NLGN4X: variants seen among roughly 807,000 people sequenced by gnomAD.
NLGN4X encodes neuroligin-4, X-linked.
A neutral mutation model predicts 40.3 loss-of-function variants in NLGN4X; 3 were observed. That is an observed-to-expected ratio of 0.07 (90% CI 0.03 to 0.19). The LOEUF is 0.19. Among genes scored for constraint, NLGN4X ranks in the 10% least tolerant of loss-of-function variants. The probability of loss-of-function intolerance (pLI) is 1.00; values close to 1 mark genes in which losing one functional copy is unlikely to be tolerated. For synonymous variants in NLGN4X, 270 were observed against 306.8 expected (o/e 0.88, Z 1.25); for missense variants, 382 against 708.3 (o/e 0.54, Z 5.23).
intron 2 of NLGN4X, among the ~76,000 whole-genome samples, chrX:6,104,672 G>C (rs768885811): frequency 9.0e-6 from 1 of 111,443 alleles, no homozygotes; most frequent in African/African-American, 3.3e-5. Context: ...TCAGACTGGA[G>C]TTACAGAAAG....
intron 3 of NLGN4X, among the ~76,000 whole-genome samples, chrX:5,976,927 T>C (rs2035195901): frequency 8.9e-6 from 1 of 112,719 alleles, no homozygotes. Flanking sequence ...TGGTATTAAC[T>C]AAATACAAAT....
Position 6,021,576 on chromosome X carries a change from T to G in NLGN4X, c.625+7704A>C, listed in dbSNP as rs1569190656. Among the ~76,000 whole-genome samples, 3 of 108,311 alleles carry G rather than the reference T, an allele frequency of 2.8e-5. No individual in the cohort carries two copies. In the East Asian group the frequency reaches 8.6e-4, roughly 31 times the overall value. 94.1% of individuals were successfully genotyped at this position (108,311 alleles called of 115,157 possible). ...ACGATCATTCTGAGAGCAAAAAACATGATCCTGGTTTTGTTTGCCCCACCA... is the reference window on the plus strand; with the variant it reads ...ACGATCATTCTGAGAGCAAAAAACAGGATCCTGGTTTTGTTTGCCCCACCA... On this transcript the variant is annotated intron_variant, in intron 3 of 5. Coordinates refer to ENST00000381095, the MANE Select transcript of NLGN4X (RefSeq NM_181332.3).
chrX:5,988,618 A>G (rs779052650), intron 3 of NLGN4X, among the ~76,000 whole-genome samples: 2 of 112,454 alleles, frequency 1.8e-5, no homozygotes, highest in African/African-American at 6.5e-5. Context: ...AACAGACTTT[A>G]AAAGGTGAGA....
At chrX:6,206,747 T>G (rs1409247605) in intron 1 of NLGN4X, among the ~76,000 whole-genome samples, 1 of 111,868 alleles carries the variant, frequency 8.9e-6, no homozygotes, top group African/African-American at 3.2e-5. Context: ...CACATGGTGG[T>G]TACGACACCA....
intron 1 of NLGN4X, among the ~76,000 whole-genome samples, chrX:6,166,212 G>C (rs1398306544): frequency 9.0e-6 from 1 of 111,662 alleles, no homozygotes; most frequent in Admixed American, 9.6e-5. Flanking sequence ...CAATAAAGAT[G>C]CACATGTATT....
At chrX:5,958,559 T>A (rs1010983895) in intron 3 of NLGN4X, among the ~76,000 whole-genome samples, 1 of 111,700 alleles carries the variant, frequency 9.0e-6, no homozygotes, top group Non-Finnish European at 1.9e-5. Context: ...ATGCTTGACA[T>A]ATTACTGAAA....
At chrX:6,120,307 T>C (rs112494751) in intron 2 of NLGN4X, among the ~76,000 whole-genome samples, 1 of 112,092 alleles carries the variant, frequency 8.9e-6, no homozygotes, top group Non-Finnish European at 1.9e-5. Flanking sequence ...ATCATCATCA[T>C]ACACCCAGCA....
intron 1 of NLGN4X, among the ~76,000 whole-genome samples, chrX:6,171,339 T>C (rs1427119651): frequency 8.9e-6 from 1 of 112,300 alleles, no homozygotes; most frequent in East Asian, 2.8e-4. Flanking sequence ...TATTTCTACA[T>C]GGTCAAATGG....
intron 2 of NLGN4X, among the ~76,000 whole-genome samples, chrX:6,033,801 G>A (rs994043438): frequency 8.9e-6 from 1 of 111,940 alleles, no homozygotes; most frequent in African/African-American, 3.2e-5. Context: ...TAAAAGGTGT[G>A]AACATTTAAT....
chrX:5,967,784 C>T (rs2034877264), intron 3 of NLGN4X, among the ~76,000 whole-genome samples: 2 of 111,243 alleles, frequency 1.8e-5, no homozygotes, highest in South Asian at 7.7e-4. Flanking sequence ...GAAGGACACA[C>T]AGGAAAGGTT....
At chrX:5,923,857 G>A (rs1364075633) in intron 3 of NLGN4X, among the ~76,000 whole-genome samples, 1 of 111,540 alleles carries the variant, frequency 9.0e-6, no homozygotes, top group Non-Finnish European at 1.9e-5. Flanking sequence ...TTGATTATGT[G>A]TGATGTCTGT....
intron 2 of NLGN4X, among the ~76,000 whole-genome samples, chrX:6,037,040 C>T (rs1009286144): frequency 3.6e-5 from 4 of 110,902 alleles, no homozygotes; most frequent in Non-Finnish European, 5.7e-5. Context: ...GATATGGGCG[C>T]GGTGGCTCAT....
intron 2 of NLGN4X, among the ~76,000 whole-genome samples, chrX:6,112,542 G>A (rs1394385798): frequency 9.1e-6 from 1 of 109,292 alleles, no homozygotes; most frequent in Admixed American, 9.8e-5. Context: ...CTGCCCTCAA[G>A]GAGGGGATTA....
At chrX:6,066,975 A>G (rs1384603908) in intron 2 of NLGN4X, among the ~76,000 whole-genome samples, 2 of 108,948 alleles carry the variant, frequency 1.8e-5, no homozygotes, top group African/African-American at 6.7e-5. Context: ...TGGACATAGT[A>G]GCACATGCCT....
At chrX:6,001,356 T>A (rs1409806791) in intron 3 of NLGN4X, among the ~76,000 whole-genome samples, 2 of 112,048 alleles carry the variant, frequency 1.8e-5, no homozygotes, top group Admixed American at 1.9e-4. Context: ...GAGTCTGTGT[T>A]TAGTGTAGAA....
At chrX:6,087,641 C>T (rs1401687649) in intron 2 of NLGN4X, among the ~76,000 whole-genome samples, 1 of 111,349 alleles carries the variant, frequency 9.0e-6, no homozygotes, top group Non-Finnish European at 1.9e-5. Flanking sequence ...TAAAGTGGGT[C>T]TCTTTCTAAA....
intron 1 of NLGN4X, among the ~76,000 whole-genome samples, chrX:6,170,860 GT>G (rs1162480284): frequency 1.8e-5 from 2 of 111,576 alleles, no homozygotes; most frequent in East Asian, 5.6e-4. Flanking sequence ...GTCTTGCTCT[GT>G]TGCCCAGGCT....
At chrX:5,982,708 A>T (rs1037514312) in intron 3 of NLGN4X, among the ~76,000 whole-genome samples, 12 of 111,766 alleles carry the variant, frequency 1.1e-4, no homozygotes, top group Non-Finnish European at 1.9e-4. Context: ...TTTTTTAAAA[A>T]GTGGCCAGGC....
intron 2 of NLGN4X, among the ~76,000 whole-genome samples, chrX:6,123,653 GA>G (rs1256722804): frequency 9.1e-6 from 1 of 109,688 alleles, no homozygotes; most frequent in African/African-American, 3.3e-5. Flanking sequence ...TATGGATACT[GA>G]AATGTTTGAT....
Sources: gnomAD v4.1 joint callset for allele counts (sites outside exome capture counted in the v4.1 genomes callset) on GRCh38, gnomAD v4.1.1 for gene constraint, MANE v1.5 for transcripts, NCBI Gene and HGNC (gene_info 2026-07-23, HGNC 2026-07-21) for gene names.